Variants in PKP4 observed in about 807,000 individuals in gnomAD.
The protein encoded by PKP4 is plakophilin-4.
PKP4 carries 90 observed loss-of-function variants against 145.1 expected under a neutral mutation model. The observed-to-expected ratio is 0.62, with a 90% CI of 0.52 to 0.74. The LOEUF (loss-of-function observed/expected upper bound fraction) is 0.74, where lower values mean the gene tolerates loss of function less well. PKP4 is among the 30% of genes least tolerant of loss of function. PKP4 has a pLI of 0.00. For synonymous variants in PKP4, 563 were observed against 577.2 expected (o/e 0.98, Z 0.35); for missense variants, 1,340 against 1,482.7 (o/e 0.90, Z 1.58).
In PKP4 at chr2:158,674,036, T is replaced by C. The variant is rs745687214; in HGVS notation, c.3127+36T>C. On this transcript the variant is annotated intron_variant, in intron 19 of 21. Transcript: ENST00000389759. ...AAATGCCACTCCTTGGCGAGAACCT[T>C]TGTGTGACAGAACATTGTTCCCCAG... is the stretch of plus-strand genomic sequence containing the variant. 3 of 1,113,120 alleles carry C rather than the reference T, an allele frequency of 2.7e-6. No individual in the cohort carries two copies. The African/African-American group carries it at 4.6e-5, about 17-fold the overall frequency. 69.0% of individuals were successfully genotyped at this position (1,113,120 alleles called of 1,614,324 possible). A position where few individuals can be genotyped will look rare whatever the true frequency, so the allele number is the denominator to read the frequency against.
intron 1 of PKP4, among the ~76,000 whole-genome samples, chr2:158,490,022 G>T (rs577458480): frequency 1.8e-4 from 28 of 152,196 alleles, no homozygotes; most frequent in African/African-American, 6.5e-4. Flanking sequence ...ACAACAATTA[G>T]GGGAAGTGTT....
chr2:158,562,305 C>G (rs76531023), intron 2 of PKP4, among the ~76,000 whole-genome samples: 1 of 152,016 alleles, frequency 6.6e-6, no homozygotes, highest in East Asian at 1.9e-4. Flanking sequence ...ATATATATTG[C>G]GATGGAATAT....
intron 11 of PKP4, among the ~76,000 whole-genome samples, chr2:158,643,725 AAAAG>A (rs1367319938): frequency 6.3e-5 from 9 of 143,056 alleles, no homozygotes; most frequent in African/African-American, 1.8e-4. Flanking sequence ...AAAAAAAAAA[AAAAG>A]AAAAGAAAAC....
chr2:158,634,882 C>T (rs1405600523), intron 9 of PKP4, among the ~76,000 whole-genome samples: 3 of 100,014 alleles, frequency 3.0e-5, no homozygotes, highest in Non-Finnish European at 7.4e-5. Flanking sequence ...TTATTTGGCC[C>T]TGTAGACAGC....
At chr2:158,647,008 C>T (rs966920821) in intron 11 of PKP4, among the ~76,000 whole-genome samples, 3 of 152,168 alleles carry the variant, frequency 2.0e-5, no homozygotes, top group Non-Finnish European at 2.9e-5. Flanking sequence ...GATCCAGCCA[C>T]CAGCACTCCT....
chr2:158,521,981 T>C (rs2042419952), intron 1 of PKP4, among the ~76,000 whole-genome samples: 1 of 152,224 alleles, frequency 6.6e-6, no homozygotes, highest in Non-Finnish European at 1.5e-5. Flanking sequence ...TAATTTGTTC[T>C]TAGGCATCAT....
chr2:158,486,858 C>T (rs189665504), intron 1 of PKP4, among the ~76,000 whole-genome samples: 5 of 152,312 alleles, frequency 3.3e-5, no homozygotes, highest in Admixed American at 6.5e-5. Context: ...GACAATAAAA[C>T]GTGAGTCCAA....
At chr2:158,497,540 A>G (rs2105483623) in intron 1 of PKP4, among the ~76,000 whole-genome samples, 1 of 152,286 alleles carries the variant, frequency 6.6e-6, no homozygotes, top group African/African-American at 2.4e-5. Context: ...ACAGTCTGTC[A>G]GTTATTCTGG....
intron 2 of PKP4, among the ~76,000 whole-genome samples, chr2:158,544,170 T>C (rs1574399610): frequency 6.6e-6 from 1 of 152,158 alleles, no homozygotes; most frequent in East Asian, 1.9e-4. Flanking sequence ...CTTCCTAGCT[T>C]TGTGGCTCCA....
intron 2 of PKP4, among the ~76,000 whole-genome samples, chr2:158,569,097 C>T (rs1348844559): frequency 1.3e-5 from 2 of 152,112 alleles, no homozygotes; most frequent in Non-Finnish European, 2.9e-5. Flanking sequence ...TTTTAATGTA[C>T]CCCCAAACCT....
At position 158,634,035 on chromosome 2, in the gene PKP4, A is replaced by G. The variant is rs114982219; in HGVS notation, c.1343-35A>G. Reference sequence around the variant, plus strand: ...TAATTAAAGTGTGATCTCATGGAGAACATACTAATCTTTTTCAAAATGTTG... The same window carrying G: ...TAATTAAAGTGTGATCTCATGGAGAGCATACTAATCTTTTTCAAAATGTTG... On this transcript the variant is annotated intron_variant, in intron 8 of 21. Coordinates refer to ENST00000389759, the MANE Select transcript of PKP4 (RefSeq NM_003628.6). The G allele has an allele frequency of 2.6e-4, 301 of 1,162,306 alleles. No homozygotes were observed. The African/African-American group carries it at 4.0e-3, about 15-fold the overall frequency. The allele number at this position is 1,162,306 out of a possible 1,614,324, so 72.0% of individuals were successfully genotyped here.
Position 158,603,351 on chromosome 2 carries a change from A to G in PKP4, c.280+247A>G, listed in dbSNP as rs2051947. 0.51 allele frequency among the ~76,000 whole-genome samples: 78,185 copies of G among 151,920 alleles called. 20,425 individuals carry two copies. Among genetic ancestry groups the G allele is most frequent in the South Asian group, 0.68 (3,289 of 4,810 alleles). On this transcript the variant is annotated intron_variant, in intron 4 of 21. Coordinates refer to ENST00000389759, the MANE Select transcript of PKP4 (RefSeq NM_003628.6). ...TTTTTAATATTAACCCCATATCTGA[A>G]AGTTTCCATTTCCATCATAAGAAAA...
In PKP4 at chr2:158,627,459, TATATATA is replaced by T. The variant is rs567243249; in HGVS notation, c.1153+2035_1153+2041del. Among the ~76,000 whole-genome samples the T allele has an allele frequency of 2.1e-3, 317 of 152,146 alleles. 2 individuals are homozygous for T. Among genetic ancestry groups the T allele is most frequent in the African/African-American group, 6.7e-3 (278 of 41,524 alleles). On this transcript the variant is annotated intron_variant, in intron 7 of 21. Coordinates refer to ENST00000389759, the MANE Select transcript of PKP4 (RefSeq NM_003628.6). ...TAGACTTTATGTCTTGGGGGGAAAA[TATATATA>T]ATGTCTATTTTTTAGGCCCAGCCTC...
At chr2:158,656,468 G>A (rs972375566) in intron 11 of PKP4, among the ~76,000 whole-genome samples, 7 of 152,170 alleles carry the variant, frequency 4.6e-5, no homozygotes, top group East Asian at 1.9e-4. Flanking sequence ...AGTAAAGCAA[G>A]GTCTTTACTT....
At chr2:158,464,336 C>T (rs2105381712) in intron 1 of PKP4, among the ~76,000 whole-genome samples, 1 of 152,218 alleles carries the variant, frequency 6.6e-6, no homozygotes, top group African/African-American at 2.4e-5. Context: ...AGACAATCTA[C>T]CAGTGTTCAG....
chr2:158,458,771 C>G (rs1689302483), intron 1 of PKP4, among the ~76,000 whole-genome samples: 1 of 152,062 alleles, frequency 6.6e-6, no homozygotes, highest in Non-Finnish European at 1.5e-5. Context: ...CAGAGAAGCA[C>G]TGTTCGGTCA....
At chr2:158,577,176 C>G in intron 2 of PKP4, 95 bp from the exon 3 acceptor site, 1 of 705,658 alleles carries the variant, frequency 1.4e-6, no homozygotes, top group Non-Finnish European at 2.4e-6. Context: ...GTTATGGGTA[C>G]GTTCCTATGT....
chr2:158,547,512 G>A (rs190640192), intron 2 of PKP4, among the ~76,000 whole-genome samples: 154 of 152,224 alleles, frequency 1.0e-3, no homozygotes, highest in Middle Eastern at 3.4e-3. Context: ...ACAAAGGGAG[G>A]GGCAGTACTG....
intron 7 of PKP4, among the ~76,000 whole-genome samples, chr2:158,628,165 G>C (rs917588760): frequency 6.6e-6 from 1 of 151,948 alleles, no homozygotes; most frequent in Non-Finnish European, 1.5e-5. Context: ...ATTTTTAGTA[G>C]AGACGGGTTT....
Sources: allele counts gnomAD v4.1 joint callset (sites outside exome capture counted in the v4.1 genomes callset), GRCh38; gene constraint gnomAD v4.1.1; transcripts MANE v1.5; gene names NCBI Gene and HGNC (gene_info 2026-07-23, HGNC 2026-07-21).